The following ERBB4 variants were observed in gnomAD, a reference collection of about 807,000 sequenced individuals.
ERBB4 encodes the protein erb-b2 receptor tyrosine kinase 4.
Under a neutral mutation model 158.0 loss-of-function variants are expected in ERBB4, and 42 were observed. The observed-to-expected ratio is 0.27, with a 90% CI of 0.21 to 0.34. The LOEUF is 0.34. Among genes scored for constraint, ERBB4 ranks in the 10% least tolerant of loss-of-function variants. ERBB4 has a pLI of 1.00. For missense variants in ERBB4, 1,333 were observed against 1,624.1 expected (o/e 0.82, Z 3.08); for synonymous variants, 583 against 558.7 (o/e 1.04, Z -0.61).
At chr2:211,471,881 C>A (rs1446000167) in intron 20 of ERBB4, among the ~76,000 whole-genome samples, 1 of 152,066 alleles carries the variant, frequency 6.6e-6, no homozygotes, top group African/African-American at 2.4e-5. Context: ...GTGGCTCATG[C>A]CTGTAACCCC....
intron 9 of ERBB4, among the ~76,000 whole-genome samples, chr2:211,707,402 C>T (rs6435661): frequency 0.69 from 104,207 of 151,966 alleles, 36,529 homozygotes; most frequent in African/African-American, 0.74. Flanking sequence ...CAAAAGAACA[C>T]TACGTCTACC....
At chr2:212,399,536 TTATATATACATATATATA>T (rs2091130717) in intron 1 of ERBB4, among the ~76,000 whole-genome samples, 1 of 20,794 alleles carries the variant, frequency 4.8e-5, no homozygotes, top group African/African-American at 1.9e-4. Flanking sequence ...GATATATATT[TTATATATACATATATATA>T]TATATATATA....
intron 1 of ERBB4, among the ~76,000 whole-genome samples, chr2:212,494,771 G>T: frequency 6.6e-6 from 1 of 152,152 alleles, no homozygotes; most frequent in East Asian, 1.9e-4. Context: ...TAGCAATAAT[G>T]ACTTCAATGC....
At chr2:211,424,879 A>ATATATAGTACATGTGAAGT (rs1477358795) in intron 22 of ERBB4, among the ~76,000 whole-genome samples, 2 of 152,134 alleles carry the variant, frequency 1.3e-5, no homozygotes, top group African/African-American at 2.4e-5. Context: ...TCCATACGTA[A>ATATATAGTACATGTGAAGT]TATATAGTAC....
intron 1 of ERBB4, among the ~76,000 whole-genome samples, chr2:212,451,329 T>C (rs1439519363): frequency 6.6e-6 from 1 of 152,240 alleles, no homozygotes; most frequent in Admixed American, 6.5e-5. Flanking sequence ...TGTATCATAA[T>C]GTTGGAAAAA....
intron 23 of ERBB4, among the ~76,000 whole-genome samples, chr2:211,422,673 A>G (rs2063539336): frequency 6.6e-6 from 1 of 151,874 alleles, no homozygotes; most frequent in Non-Finnish European, 1.5e-5. Flanking sequence ...CTGTTTAGCT[A>G]ATGAGATGAC....
In ERBB4 at chr2:211,503,595, A is replaced by G. The variant is rs76587577; in HGVS notation, c.2487+58308T>C. ...CTGCTTCAGGGACTCACAGTTCAAA[A>G]CATCTGGACCCGCATAGCGCCTTGG... On this transcript the variant is annotated intron_variant, in intron 20 of 27. Coordinates refer to ENST00000342788, the MANE Select transcript of ERBB4 (RefSeq NM_005235.3). 6.0e-3 allele frequency among the ~76,000 whole-genome samples: 918 copies of G among 152,228 alleles called. 16 individuals are homozygous for G. The highest frequency in any genetic ancestry group is 0.021 in the African/African-American group (878 of 41,566).
intron 5 of ERBB4, among the ~76,000 whole-genome samples, chr2:211,745,602 C>G (rs564424001): frequency 6.6e-6 from 1 of 152,008 alleles, no homozygotes; most frequent in South Asian, 2.1e-4. Flanking sequence ...AGTATCCTTT[C>G]CAGTTTATTA....
chr2:211,434,744 TAA>T (rs1261091454), intron 20 of ERBB4, among the ~76,000 whole-genome samples: 1 of 152,222 alleles, frequency 6.6e-6, no homozygotes, highest in Non-Finnish European at 1.5e-5. Context: ...AATCAATTTT[TAA>T]AAACTAGGTG....
chr2:212,240,667 A>AAAAAAAAAAAAAAAAAAAAC (rs767678739), intron 1 of ERBB4, among the ~76,000 whole-genome samples: 1 of 128,126 alleles, frequency 7.8e-6, no homozygotes, highest in African/African-American at 3.0e-5. Flanking sequence ...AAAAAAAAAA[A>AAAAAAAAAAAAAAAAAAAAC]CAGAAAAAAA....
intron 2 of ERBB4, 87 bp from the exon 3 acceptor site, chr2:211,947,703 A>G (rs2080742277): frequency 8.7e-7 from 1 of 1,143,546 alleles, no homozygotes; most frequent in South Asian, 1.4e-5. Context: ...GAGTTATTAA[A>G]CTCTAATTTT....
intron 1 of ERBB4, among the ~76,000 whole-genome samples, chr2:212,157,363 T>C (rs2081070947): frequency 6.6e-6 from 1 of 152,114 alleles, no homozygotes; most frequent in Non-Finnish European, 1.5e-5. Flanking sequence ...CTTTTTATTG[T>C]ATTTATTAGA....
chr2:211,503,380 G>A (rs2065664804), intron 20 of ERBB4, among the ~76,000 whole-genome samples: 1 of 152,104 alleles, frequency 6.6e-6, no homozygotes, highest in Admixed American at 6.5e-5. Flanking sequence ...CACTGTTTGG[G>A]AACTGAGGAG....
intron 27 of ERBB4, among the ~76,000 whole-genome samples, chr2:211,385,126 C>A (rs116616408): frequency 6.6e-6 from 1 of 152,038 alleles, no homozygotes; most frequent in African/African-American, 2.4e-5. Flanking sequence ...TTATCCTTAG[C>A]CCAATAAGTA....
chr2:212,375,580 C>G (rs1255202401), intron 1 of ERBB4, among the ~76,000 whole-genome samples: 1 of 152,042 alleles, frequency 6.6e-6, no homozygotes, highest in Admixed American at 6.6e-5. Flanking sequence ...CTGGATGTTA[C>G]AGTTCTTAGA....
chr2:212,280,765 G>A lies in ERBB4; in HGVS notation c.83-155862C>T, dbSNP rs139919178. ...AAAAAGATGCAGGCATGAAGTAAAAGCATCATGAATTGAATGAAACTAAAG... is the reference window on the plus strand; with the variant it reads ...AAAAAGATGCAGGCATGAAGTAAAAACATCATGAATTGAATGAAACTAAAG... On this transcript the variant is annotated intron_variant, in intron 1 of 27. Transcript: ENST00000342788. 4.0e-4 allele frequency among the ~76,000 whole-genome samples: 60 copies of A among 151,700 alleles called. 1 individual carries two copies. Among genetic ancestry groups the A allele is most frequent in the African/African-American group, 1.2e-3 (50 of 41,496 alleles).
intron 1 of ERBB4, among the ~76,000 whole-genome samples, chr2:212,264,937 C>T (rs181338523): frequency 6.6e-6 from 1 of 152,204 alleles, no homozygotes; most frequent in African/African-American, 2.4e-5. Context: ...CATCATATTT[C>T]CACATAGGAA....
intron 12 of ERBB4, among the ~76,000 whole-genome samples, chr2:211,689,232 T>C (rs977231913): frequency 1.2e-4 from 18 of 152,332 alleles, no homozygotes; most frequent in African/African-American, 3.8e-4. Flanking sequence ...TTTCACTCTG[T>C]TGCCCTGGCT....
At chr2:212,288,578 C>T (rs566381323) in intron 1 of ERBB4, among the ~76,000 whole-genome samples, 3 of 152,180 alleles carry the variant, frequency 2.0e-5, no homozygotes, top group Non-Finnish European at 4.4e-5. Context: ...ATTCAGTGTG[C>T]GAGGTGGAAA....
Sources: allele counts gnomAD v4.1 joint callset (sites outside exome capture counted in the v4.1 genomes callset), GRCh38; gene constraint gnomAD v4.1.1; transcripts MANE v1.5; gene names NCBI Gene and HGNC (gene_info 2026-07-23, HGNC 2026-07-21).